The following SATB2 variants were observed in gnomAD, a reference collection of about 807,000 sequenced individuals.
SATB2 encodes the protein DNA-binding protein SATB2.
SATB2 carries 1 observed loss-of-function variant against 73.4 expected under a neutral mutation model. The observed-to-expected ratio is 0.01, with a 90% CI of 0.00 to 0.06. The LOEUF is 0.06. Among genes scored for constraint, SATB2 ranks in the 10% least tolerant of loss-of-function variants. The pLI is 1.00. For synonymous variants in SATB2, 397 were observed against 367.0 expected (o/e 1.08, Z -0.93); for missense variants, 459 against 945.8 (o/e 0.49, Z 6.75).
chr2:199,272,301 C>T lies in SATB2; in HGVS notation c.2112G>A (p.Glu704=). The T allele has an allele frequency of 6.2e-7, 1 of 1,614,188 alleles. No individual in the cohort carries two copies. Among genetic ancestry groups the T allele is most frequent in the African/African-American group, 1.3e-5 (1 of 75,050 alleles). Residue 704 remains glutamate, a synonymous_variant, in exon 11 of 11, where the codon GAG becomes GAA. Coordinates refer to ENST00000417098, the MANE Select transcript of SATB2 (RefSeq NM_001172509.2). The surrounding 1 kb of genome is among the most constrained non-coding windows in gnomAD (Gnocchi z 6.7). ...CTTTGTACATCTCCTCGGAGCCTTC[C>T]TCGCTGTCGTTCTCCTCTGACTCGG... is the stretch of plus-strand genomic sequence containing the variant. The part of the protein sequence containing the change: ...LLTESEENDS[E]EGSEEMYKVE...
chr2:199,390,758 T>C (rs752619798), intron 3 of SATB2, among the ~76,000 whole-genome samples: 2 of 152,180 alleles, frequency 1.3e-5, no homozygotes, highest in Admixed American at 6.5e-5. Flanking sequence ...AATGTTGCAA[T>C]AGGTTTTCCT....
intron 5 of SATB2, among the ~76,000 whole-genome samples, chr2:199,375,714 G>A (rs926672019): frequency 6.6e-6 from 1 of 152,164 alleles, no homozygotes; most frequent in Middle Eastern, 3.2e-3. Context: ...CTCATGAGTT[G>A]AGTCTATTTT....
chr2:199,353,819 T>G lies in SATB2; in HGVS notation c.701-4646A>C, dbSNP rs1276361042. ...ACAGCAGTGCCTGGTTTTGTGTTCT[T>G]GCTTTTTTCACTGTGTAATGGAAAA... On this transcript the variant is annotated intron_variant, in intron 6 of 10. Transcript: ENST00000417098. 2.0e-5 allele frequency among the ~76,000 whole-genome samples: 3 copies of G among 152,332 alleles called. No homozygotes were observed. The East Asian group carries it at 5.8e-4, about 29-fold the overall frequency.
rs1278561050 is a variant in SATB2, at chr2:199,272,376, G to A, written c.2037C>T (p.His679=). 11 of 1,614,156 alleles carry A rather than the reference G, an allele frequency of 6.8e-6. No individual in the cohort carries two copies. Among genetic ancestry groups the A allele is most frequent in the East Asian group, 2.2e-5 (1 of 44,880 alleles). The change falls in exon 11 of 11, where the codon CAC becomes CAT. Residue 679 remains histidine, a synonymous_variant. Coordinates refer to ENST00000417098, the MANE Select transcript of SATB2 (RefSeq NM_001172509.2). The surrounding 1 kb of genome is among the most constrained non-coding windows in gnomAD (Gnocchi z 6.7). The stretch of plus-strand genomic sequence containing the variant: ...CAGCCACGTCCACCGCGGAGCCCAG[G>A]TGCTCTTTCAGCTTCCCGTGGTGCT... ...HVKHHGKLKE[H]LGSAVDVAEY...
intron 3 of SATB2, among the ~76,000 whole-genome samples, chr2:199,414,807 C>A (rs1442160868): frequency 1.3e-5 from 2 of 152,058 alleles, no homozygotes; most frequent in African/African-American, 4.8e-5. Flanking sequence ...GGATCACAAA[C>A]AAAACAACGA....
intron 5 of SATB2, 21 bp downstream of exon 5, chr2:199,380,343 C>T: frequency 6.2e-7 from 1 of 1,613,804 alleles, no homozygotes; most frequent in African/African-American, 1.3e-5. Flanking sequence ...GTTTCCCAGA[C>T]CCCCACCTGA....
chr2:199,323,476 T>TATATACACACAC (rs10653288), intron 9 of SATB2, among the ~76,000 whole-genome samples: 6 of 142,752 alleles, frequency 4.2e-5, no homozygotes, highest in Non-Finnish European at 7.6e-5. Flanking sequence ...GTTTTGTTCA[T>TATATACACACAC]ACACACACAC....
At chr2:199,311,937 T>C (rs1294145132) in intron 9 of SATB2, among the ~76,000 whole-genome samples, 3 of 152,178 alleles carry the variant, frequency 2.0e-5, no homozygotes, top group Non-Finnish European at 2.9e-5. Flanking sequence ...ATGTATGTAA[T>C]TGTGAGTGAC....
In SATB2 at chr2:199,348,878, A is replaced by T. The variant is rs1263738217; in HGVS notation, c.996T>A (p.Pro332=). The T allele has an allele frequency of 2.6e-5, 42 of 1,614,102 alleles. No individual in the cohort carries two copies. Among genetic ancestry groups the T allele is most frequent in the Non-Finnish European group, 3.6e-5 (42 of 1,179,990 alleles). ...TCAGGAACTGCTGGTTGATGGCTTG[A>T]GGATGCTGGTGAGCCAGGAGCCGGC... is the stretch of plus-strand genomic sequence containing the variant. ...AVSRLLAHQH[P]QAINQQFLNH... Residue 332 remains proline, a synonymous_variant, in exon 7 of 11, where the codon CCT becomes CCA. Transcript: ENST00000417098.
In SATB2 at chr2:199,455,781, G is replaced by C; in HGVS notation, c.169+88C>G. ...AATTCACTTCCTGTAATCCTACACCGCGACAGCGCCTAATCAACCTGAACC... is the reference window on the plus strand; with the variant it reads ...AATTCACTTCCTGTAATCCTACACCCCGACAGCGCCTAATCAACCTGAACC... On this transcript the variant is annotated intron_variant, in intron 2 of 10. Coordinates refer to ENST00000417098, the MANE Select transcript of SATB2 (RefSeq NM_001172509.2). The surrounding 1 kb of genome is among the most constrained non-coding windows in gnomAD (Gnocchi z 4.1). The C allele has an allele frequency of 7.0e-7, 1 of 1,432,890 alleles. No individual in the cohort carries two copies. Among genetic ancestry groups the C allele is most frequent in the Non-Finnish European group, 9.5e-7 (1 of 1,055,286 alleles). 88.8% of individuals were successfully genotyped at this position (1,432,890 alleles called of 1,614,324 possible).
Position 199,288,583 on chromosome 2 carries a change from T to C in SATB2, c.1741-15911A>G, listed in dbSNP as rs372162818. On this transcript the variant is annotated intron_variant, in intron 10 of 10. Coordinates refer to ENST00000417098, the MANE Select transcript of SATB2 (RefSeq NM_001172509.2). ...AGAACAATCTGACAGTTATGGTTAG[T>C]GAAAATATTAGATGTTCACCAAGAA... is the stretch of plus-strand genomic sequence containing the variant. Among the ~76,000 whole-genome samples, 123 of 152,314 alleles carry C rather than the reference T, an allele frequency of 8.1e-4. 1 individual carries two copies. The South Asian group carries it at 0.018, about 23-fold the overall frequency.
intron 10 of SATB2, among the ~76,000 whole-genome samples, chr2:199,290,148 C>G (rs189419554): frequency 1.3e-5 from 2 of 152,356 alleles, no homozygotes; most frequent in African/African-American, 4.8e-5. Flanking sequence ...GCTGTGTCAC[C>G]CTTTCTTGGA....
At chr2:199,338,877 A>ACTGAATT (rs1688417821) in intron 7 of SATB2, among the ~76,000 whole-genome samples, 1 of 149,638 alleles carries the variant, frequency 6.7e-6, no homozygotes, top group Admixed American at 6.7e-5. Flanking sequence ...AGATGGCACC[A>ACTGAATT]CTGAATTCTG....
At chr2:199,445,515 T>C (rs1484537261) in intron 2 of SATB2, among the ~76,000 whole-genome samples, 1 of 152,178 alleles carries the variant, frequency 6.6e-6, no homozygotes, top group Non-Finnish European at 1.5e-5. Context: ...AGACTTTCAA[T>C]GGTAAGCCCC....
chr2:199,285,875 C>G (rs1041172516), intron 10 of SATB2, among the ~76,000 whole-genome samples: 3 of 57,368 alleles, frequency 5.2e-5, no homozygotes, highest in Admixed American at 3.0e-4. Flanking sequence ...CAGCCTTAGT[C>G]TGTTTTTTTT....
At chr2:199,321,525 T>C (rs960579174) in intron 9 of SATB2, among the ~76,000 whole-genome samples, 5 of 150,314 alleles carry the variant, frequency 3.3e-5, no homozygotes, top group Non-Finnish European at 7.4e-5. Context: ...TACACACATA[T>C]ACATATATAC....
rs566109739 is a variant in SATB2 at position 199,274,937 on chromosome 2, C to A, written c.1741-2265G>T. ...CAGTATGAGCACTGCAATAAGTAAA[C>A]CTCTATGTCAACAGGTGAGGATTCC... is the stretch of plus-strand genomic sequence containing the variant. On this transcript the variant is annotated intron_variant, in intron 10 of 10. Coordinates refer to ENST00000417098, the MANE Select transcript of SATB2 (RefSeq NM_001172509.2). Among the ~76,000 whole-genome samples, 27 of 152,170 alleles carry A rather than the reference C, an allele frequency of 1.8e-4. No homozygotes were observed. The East Asian group carries it at 4.6e-3, about 26-fold the overall frequency.
At chr2:199,293,115 T>A (rs575107896) in intron 10 of SATB2, among the ~76,000 whole-genome samples, 1 of 152,300 alleles carries the variant, frequency 6.6e-6, no homozygotes, top group East Asian at 1.9e-4. Context: ...TTTTTTCTGT[T>A]CCCTGGAATT....
At chr2:199,280,995 T>C (rs910167180) in intron 10 of SATB2, among the ~76,000 whole-genome samples, 2 of 152,316 alleles carry the variant, frequency 1.3e-5, no homozygotes, top group Middle Eastern at 6.8e-3. Flanking sequence ...TGACATGTGA[T>C]GTCTCCCCCA....
Sources: gnomAD v4.1 joint callset for allele counts (sites outside exome capture counted in the v4.1 genomes callset) on GRCh38, gnomAD v4.1.1 for gene constraint, Gnocchi (gnomAD v3.1) non-coding constraint, MANE v1.5 for transcripts, NCBI Gene and HGNC (gene_info 2026-07-23, HGNC 2026-07-21) for gene names.